The following TOPAZ1 variants were observed in gnomAD, a reference collection of about 807,000 sequenced individuals.
TOPAZ1 encodes the protein protein TOPAZ1.
In TOPAZ1, 66 loss-of-function variants were observed where a neutral mutation model predicts 172.2. That is an observed-to-expected ratio of 0.38 (90% CI 0.31 to 0.47). The LOEUF (loss-of-function observed/expected upper bound fraction) is 0.47. TOPAZ1 is among the 20% of genes least tolerant of loss of function. The pLI, the probability that TOPAZ1 is intolerant of heterozygous loss-of-function variation, is 0.99. For missense variants in TOPAZ1, 1,822 were observed against 1,972.4 expected (o/e 0.92, Z 1.44); for synonymous variants, 681 against 683.9 (o/e 1.00, Z 0.07).
chr3:44,280,662 T>A (rs532499201), intron 8 of TOPAZ1, among the ~76,000 whole-genome samples: 17 of 152,340 alleles, frequency 1.1e-4, no homozygotes, highest in Admixed American at 1.1e-3. Flanking sequence ...TTTCAAAAGT[T>A]ATTTTAGCAG....
chr3:44,246,594 T>C (rs1446571452), intron 2 of TOPAZ1, among the ~76,000 whole-genome samples: 3 of 152,158 alleles, frequency 2.0e-5, no homozygotes, highest in African/African-American at 7.2e-5. Context: ...AATCTGCCTG[T>C]TTTGAAGATG....
At chr3:44,284,254 C>T (rs959498659) in intron 9 of TOPAZ1, among the ~76,000 whole-genome samples, 1 of 152,172 alleles carries the variant, frequency 6.6e-6, no homozygotes, top group African/African-American at 2.4e-5. Context: ...ATGCCGTATG[C>T]ATTAAACAAT....
intron 17 of TOPAZ1, among the ~76,000 whole-genome samples, chr3:44,321,730 G>C (rs139666584): frequency 3.9e-5 from 6 of 152,162 alleles, no homozygotes; most frequent in African/African-American, 1.4e-4. Flanking sequence ...CCTCCCCTCA[G>C]TACTTTCATC....
At chr3:44,265,041 C>T (rs1472719174) in intron 5 of TOPAZ1, among the ~76,000 whole-genome samples, 1 of 152,216 alleles carries the variant, frequency 6.6e-6, no homozygotes, top group Non-Finnish European at 1.5e-5. Flanking sequence ...AGACTGCTAA[C>T]GTTGATATGT....
rs990240841 is a variant in TOPAZ1 at position 44,243,321 on chromosome 3, G to A, written c.815G>A (p.Ser272Asn). ...AACCTTAGGAGTCTTGCAGAGAAGA[G>A]TGACACAAATAGTATTCCTCAGCTC... ...KENLRSLAEKSDTNSIPQLLQ... is the reference protein window; with the variant it reads ...KENLRSLAEKNDTNSIPQLLQ... The change falls in exon 2 of 20, where the codon AGT (serine) becomes AAT (asparagine). Residue 272 changes from serine to asparagine, a missense_variant. Around this residue, in one of 2 missense-constraint regions of TOPAZ1, gnomAD observed 1,489 missense variants for 1,490.8 expected, o/e 1.00. Transcript: ENST00000309765. 7.7e-6 allele frequency: 12 copies of A among 1,551,368 alleles called. No individual in the cohort carries two copies. Among genetic ancestry groups the A allele is most frequent in the Non-Finnish European group, 1.0e-5 (12 of 1,146,934 alleles).
chr3:44,314,064 G>T (rs1167972109), intron 16 of TOPAZ1, among the ~76,000 whole-genome samples: 1 of 151,938 alleles, frequency 6.6e-6, no homozygotes, highest in Non-Finnish European at 1.5e-5. Context: ...TTTTGAGACG[G>T]AGTCTCACTC....
At position 44,244,205 on chromosome 3, in the gene TOPAZ1, T is replaced by C; in HGVS notation, c.1699T>C (p.Ser567Pro). Residue 567 changes from serine (S) to proline (P), a missense_variant, in exon 2 of 20, where the codon TCT (serine) becomes CCT (proline). Ser to Pro is a moderately conservative substitution (Grantham distance 74). Transcript: ENST00000309765. ...ATCTTCAAGTAAAGAAAAATTAGAT[T>C]CTAATTCTAATTGTTTGTCTTCAGT... ...TESSSKEKLD[S>P]NSNCLSSVSA... 2 of 1,550,082 alleles carry C rather than the reference T, an allele frequency of 1.3e-6. No individual in the cohort carries two copies. The highest frequency in any genetic ancestry group is 1.7e-6 in the Non-Finnish European group (2 of 1,146,186).
intron 12 of TOPAZ1, among the ~76,000 whole-genome samples, chr3:44,301,554 A>G (rs1016637147): frequency 4.6e-5 from 7 of 152,150 alleles, no homozygotes; most frequent in Non-Finnish European, 8.8e-5. Flanking sequence ...ATGTTTTTCA[A>G]TGTTTGCCAA....
chr3:44,250,568 T>C (rs1488624), intron 2 of TOPAZ1, among the ~76,000 whole-genome samples: 125,938 of 152,082 alleles, frequency 0.83, 52,197 homozygotes, highest in Middle Eastern at 0.9. Flanking sequence ...TCTAAAGGAC[T>C]CAGCTTGCAA....
intron 12 of TOPAZ1, among the ~76,000 whole-genome samples, chr3:44,297,221 C>T (rs1700210746): frequency 6.6e-6 from 1 of 151,598 alleles, no homozygotes; most frequent in Non-Finnish European, 1.5e-5. Flanking sequence ...ATTATCTCTC[C>T]TGAGCTTTGA....
chr3:44,298,934 T>G (rs982613416), intron 12 of TOPAZ1, among the ~76,000 whole-genome samples: 2 of 53,298 alleles, frequency 3.8e-5, no homozygotes, highest in African/African-American at 6.0e-5. Context: ...TTTTTTTTTT[T>G]CCCCCTGAGA....
intron 3 of TOPAZ1, 44 bp from the exon 4 acceptor site, chr3:44,256,106 AT>A: frequency 3.5e-6 from 5 of 1,410,230 alleles, no homozygotes; most frequent in Non-Finnish European, 4.7e-6. Flanking sequence ...TAACTCAGTT[AT>A]TTTGTCTTTA....
At chr3:44,327,304 C>T (rs1575220066) in intron 18 of TOPAZ1, among the ~76,000 whole-genome samples, 1 of 152,140 alleles carries the variant, frequency 6.6e-6, no homozygotes, top group African/African-American at 2.4e-5. Context: ...ACATTCTAAG[C>T]AAAATTTACA....
intron 15 of TOPAZ1, among the ~76,000 whole-genome samples, chr3:44,307,861 G>A (rs571386035): frequency 2.0e-5 from 3 of 152,300 alleles, no homozygotes; most frequent in African/African-American, 4.8e-5. Context: ...GCCTGGAGTA[G>A]GCAAGGTGTA....
At chr3:44,273,543 C>T (rs1310047624) in intron 8 of TOPAZ1, among the ~76,000 whole-genome samples, 3 of 152,184 alleles carry the variant, frequency 2.0e-5, no homozygotes, top group Admixed American at 2.0e-4. Flanking sequence ...AAAATAAATT[C>T]AAATTATTTA....
chr3:44,334,612 T>C (rs908153926), downstream of TOPAZ1, among the ~76,000 whole-genome samples: 33 of 152,018 alleles, frequency 2.2e-4, no homozygotes, highest in African/African-American at 7.7e-4. Context: ...GGACCAAATA[T>C]TAGAGGAAGA....
intron 1 of TOPAZ1, 116 bp from the exon 2 acceptor site, chr3:44,242,736 AC>A: frequency 1.2e-6 from 1 of 813,314 alleles, no homozygotes; most frequent in Non-Finnish European, 1.9e-6. Flanking sequence ...ATGTGTATTT[AC>A]ATACAGCTGT....
intron 12 of TOPAZ1, among the ~76,000 whole-genome samples, chr3:44,300,385 G>A (rs888158818): frequency 2.0e-5 from 3 of 151,820 alleles, no homozygotes; most frequent in African/African-American, 7.3e-5. Context: ...CTGAGATCGT[G>A]CCACTGCACT....
intron 12 of TOPAZ1, 108 bp downstream of exon 12, chr3:44,290,994 T>A (rs1023243457): frequency 1.5e-6 from 1 of 669,336 alleles, no homozygotes; most frequent in Admixed American, 3.2e-5. Context: ...AACATTTAGA[T>A]AGTGGCCTGT....
Sources: gnomAD v4.1 joint callset for allele counts (sites outside exome capture counted in the v4.1 genomes callset) on GRCh38, gnomAD v4.1.1 for gene constraint, gnomAD v4.1.1 regional missense constraint, MANE v1.5 for transcripts, NCBI Gene and HGNC (gene_info 2026-07-23, HGNC 2026-07-21) for gene names.